The following CDKAL1 variants were observed in gnomAD, a reference collection of about 807,000 sequenced individuals.
CDKAL1 encodes the protein threonylcarbamoyladenosine tRNA methylthiotransferase.
Under a neutral mutation model 68.2 loss-of-function variants are expected in CDKAL1, and 32 were observed. The ratio of observed to expected loss-of-function variants is 0.47; its 90% CI spans 0.35 to 0.63. The LOEUF (loss-of-function observed/expected upper bound fraction) is 0.63. Among genes scored for constraint, CDKAL1 ranks in the 30% least tolerant of loss-of-function variants. The pLI is 0.00. For synonymous variants in CDKAL1, 234 were observed against 244.3 expected (o/e 0.96, Z 0.39); for missense variants, 606 against 696.7 (o/e 0.87, Z 1.47).
At chr6:21,047,148 C>A (rs897469181) in intron 11 of CDKAL1, among the ~76,000 whole-genome samples, 1 of 151,466 alleles carries the variant, frequency 6.6e-6, no homozygotes, top group East Asian at 1.9e-4. Flanking sequence ...TGGCCTTGAA[C>A]TCCTAGATCC....
At chr6:21,089,144 T>C (rs1772858416) in intron 12 of CDKAL1, among the ~76,000 whole-genome samples, 1 of 152,110 alleles carries the variant, frequency 6.6e-6, no homozygotes, top group Non-Finnish European at 1.5e-5. Context: ...CGTCAGTTGA[T>C]GGTGAGATGA....
chr6:21,187,661 C>CA (rs1778067806), intron 13 of CDKAL1, among the ~76,000 whole-genome samples: 3 of 152,122 alleles, frequency 2.0e-5, no homozygotes, highest in Admixed American at 6.5e-5. Flanking sequence ...GGACTTGGAG[C>CA]AATGAAGGTG....
chr6:20,706,944 C>T (rs1424944332), intron 5 of CDKAL1, among the ~76,000 whole-genome samples: 1 of 100,980 alleles, frequency 9.9e-6, no homozygotes, highest in Admixed American at 1.4e-4. Flanking sequence ...CTTCATTGAA[C>T]AAATATTGGG....
chr6:21,020,378 A>C (rs896906600), intron 11 of CDKAL1, among the ~76,000 whole-genome samples: 2 of 152,184 alleles, frequency 1.3e-5, no homozygotes, highest in South Asian at 4.1e-4. Context: ...ATCTTCAACT[A>C]CTTTTAGCTG....
At chr6:20,756,931 C>T (rs943497447) in intron 6 of CDKAL1, among the ~76,000 whole-genome samples, 5 of 123,242 alleles carry the variant, frequency 4.1e-5, no homozygotes, top group Admixed American at 1.7e-4. Context: ...TTCCCTCCTT[C>T]CCTTCCTTCC....
intron 13 of CDKAL1, among the ~76,000 whole-genome samples, chr6:21,109,849 G>C (rs1475975798): frequency 6.6e-6 from 1 of 152,228 alleles, no homozygotes; most frequent in African/African-American, 2.4e-5. Flanking sequence ...TGGCAAATCA[G>C]AGGTTTTGCC....
intron 9 of CDKAL1, among the ~76,000 whole-genome samples, chr6:20,865,084 T>C (rs1759830172): frequency 6.6e-6 from 1 of 152,208 alleles, no homozygotes; most frequent in Non-Finnish European, 1.5e-5. Context: ...ATCTTTATAT[T>C]CACCTCATGA....
chr6:20,987,848 C>T (rs922517659), intron 10 of CDKAL1, among the ~76,000 whole-genome samples: 3 of 151,868 alleles, frequency 2.0e-5, no homozygotes, highest in African/African-American at 7.3e-5. Flanking sequence ...GGCACAATCA[C>T]GACTCACTGC....
chr6:21,229,046 C>G (rs2151130996), intron 15 of CDKAL1, among the ~76,000 whole-genome samples: 1 of 152,254 alleles, frequency 6.6e-6, no homozygotes, highest in African/African-American at 2.4e-5. Context: ...GGGAGACCAG[C>G]AGGATATCGG....
intron 9 of CDKAL1, among the ~76,000 whole-genome samples, chr6:20,885,736 G>C (rs1260876749): frequency 6.6e-6 from 1 of 152,062 alleles, no homozygotes. Context: ...ACTGGGAGAC[G>C]ATATTTACAA....
intron 5 of CDKAL1, among the ~76,000 whole-genome samples, chr6:20,718,381 G>A (rs1772190660): frequency 1.3e-5 from 2 of 152,286 alleles, no homozygotes; most frequent in East Asian, 3.9e-4. Context: ...AGAAGACATT[G>A]ACAGTTCCCT....
rs1473865705 is a variant in CDKAL1 at position 20,542,608 on chromosome 6, A to C, written c.-5-3738A>C. ...ATTTTTTTCTTAACTATTTTATTCTAACATAATTACCGCTTTACCTGCAGT... is the reference window on the plus strand; with the variant it reads ...ATTTTTTTCTTAACTATTTTATTCTCACATAATTACCGCTTTACCTGCAGT... On this transcript the variant is annotated intron_variant, in intron 2 of 15. Coordinates refer to ENST00000274695, the MANE Select transcript of CDKAL1 (RefSeq NM_017774.3). 2.6e-5 allele frequency among the ~76,000 whole-genome samples: 4 copies of C among 152,208 alleles called. No homozygotes were observed. The East Asian group carries it at 7.7e-4, about 29-fold the overall frequency.
intron 5 of CDKAL1, among the ~76,000 whole-genome samples, chr6:20,726,514 T>C (rs749180877): frequency 3.3e-5 from 5 of 152,210 alleles, no homozygotes; most frequent in Non-Finnish European, 7.3e-5. Context: ...ATTTTAGAGT[T>C]TTACTCTTTT....
chr6:20,662,429 C>T (rs1769328417), intron 5 of CDKAL1, among the ~76,000 whole-genome samples: 1 of 152,084 alleles, frequency 6.6e-6, no homozygotes, highest in Admixed American at 6.6e-5. Context: ...CTAAATCTTA[C>T]TCAAAGTGCC....
chr6:20,802,420 C>T (rs1420118707), intron 8 of CDKAL1, among the ~76,000 whole-genome samples: 4 of 151,672 alleles, frequency 2.6e-5, no homozygotes, highest in Non-Finnish European at 5.9e-5. Flanking sequence ...ATATGCATGT[C>T]CTCACCCTAT....
At chr6:21,087,798 G>GCA (rs78109055) in intron 12 of CDKAL1, among the ~76,000 whole-genome samples, 13,342 of 150,832 alleles carry the variant, frequency 0.088, 752 homozygotes, top group Middle Eastern at 0.14. Flanking sequence ...ATGCATGCGT[G>GCA]CACACACACA....
intron 11 of CDKAL1, among the ~76,000 whole-genome samples, chr6:21,026,207 A>C (rs970491742): frequency 3.3e-5 from 5 of 152,158 alleles, no homozygotes; most frequent in African/African-American, 1.2e-4. Flanking sequence ...CTAATATATT[A>C]ACATTAGATA....
Position 21,023,129 on chromosome 6 carries a change from A to AT in CDKAL1, c.1055+22757_1055+22758insT, listed in dbSNP as rs1342674263. On this transcript the variant is annotated intron_variant, in intron 11 of 15. Transcript: ENST00000274695. ...TGAAGATAAATGTTTCTCAATTGAT[A>AT]ATTTTTTTTTTTTACCATTAGCCTT... Among the ~76,000 whole-genome samples, 9 of 59,190 alleles carry AT rather than the reference A, an allele frequency of 1.5e-4. 1 individual carries two copies. Among genetic ancestry groups the AT allele is most frequent in the South Asian group, 1.5e-3 (3 of 1,994 alleles). The allele number at this position is 59,190 out of a possible 152,430, so 38.8% of individuals were successfully genotyped here. A position where few individuals can be genotyped will look rare whatever the true frequency, so the allele number is the denominator to read the frequency against.
chr6:20,864,741 T>A (rs1178663489), intron 9 of CDKAL1, among the ~76,000 whole-genome samples: 3 of 152,180 alleles, frequency 2.0e-5, no homozygotes, highest in African/African-American at 7.2e-5. Context: ...TTTCTTGACA[T>A]TTTATGATGT....
Sources: allele counts gnomAD v4.1 joint callset (sites outside exome capture counted in the v4.1 genomes callset), GRCh38; gene constraint gnomAD v4.1.1; transcripts MANE v1.5; gene names NCBI Gene and HGNC (gene_info 2026-07-23, HGNC 2026-07-21).